The following TMEM231 variants were observed in gnomAD, a reference collection of about 807,000 sequenced individuals.
The protein encoded by TMEM231 is transmembrane protein 231.
Under a neutral mutation model 38.5 loss-of-function variants are expected in TMEM231, and 40 were observed. The observed-to-expected ratio is 1.04, with a 90% confidence interval of 0.81 to 1.35. TMEM231 has a LOEUF of 1.35. Among genes scored for constraint, TMEM231 ranks in the 40% most tolerant of loss-of-function variants. The pLI is 0.00. For missense variants in TMEM231, 420 were observed against 416.9 expected, an observed-to-expected ratio of 1.01 and a Z score of -0.07; for synonymous variants, 199 against 181.7, an observed-to-expected ratio of 1.10 and a Z score of -0.77.
intron 2 of TMEM231, among the ~76,000 whole-genome samples, chr16:75,546,333 G>T: frequency 6.6e-6 from 1 of 152,254 alleles, no homozygotes; most frequent in South Asian, 2.1e-4. Flanking sequence ...TGTCAGAATA[G>T]TCTTCTATGT....
At position 75,537,527 on chromosome 16, in the gene TMEM231, G is replaced by A. The variant is rs2080572749; in HGVS notation, c.*2467C>T. On this transcript the variant is annotated 3_prime_UTR_variant, in exon 7 of 7. Coordinates refer to ENST00000258173, the MANE Select transcript of TMEM231 (RefSeq NM_001077418.3). ...TTTTGAGACGGAGTCTAGCTCTGTT[G>A]CCAGGCTGGAGTGCAGTGGCGCAAT... The A allele has an allele frequency of 7.3e-6, 1 of 137,742 alleles. No homozygotes were observed. The highest frequency in any genetic ancestry group is 2.2e-4 in the South Asian group (1 of 4,456). 8.5% of individuals were successfully genotyped at this position (137,742 alleles called of 1,614,324 possible). A position where few individuals can be genotyped will look rare whatever the true frequency, so the allele number is the denominator to read the frequency against.
At chr16:75,547,183 C>T (rs1220733706) in intron 2 of TMEM231, among the ~76,000 whole-genome samples, 3 of 152,178 alleles carry the variant, frequency 2.0e-5, no homozygotes, top group African/African-American at 7.2e-5. Flanking sequence ...ATTCCCAGAA[C>T]AATTCTACTA....
rs1442997638 is a variant in TMEM231, at chr16:75,538,222, C to G, written c.*1772G>C. The G allele has an allele frequency of 1.3e-5, 2 of 152,200 alleles. No individual in the cohort carries two copies. The highest frequency in any genetic ancestry group is 3.9e-4 in the East Asian group (2 of 5,148). The allele number at this position is 152,200 out of a possible 1,614,324, so 9.4% of individuals were successfully genotyped here. ...TGGTGCAATCATAGCACACTGCAGCCTCAAGCTCCTGGGCTCAAGTGATCC... is the reference window on the plus strand; with the variant it reads ...TGGTGCAATCATAGCACACTGCAGCGTCAAGCTCCTGGGCTCAAGTGATCC... On this transcript the variant is annotated 3_prime_UTR_variant, in exon 7 of 7. Coordinates refer to ENST00000258173, the MANE Select transcript of TMEM231 (RefSeq NM_001077418.3).
intron 2 of TMEM231, among the ~76,000 whole-genome samples, chr16:75,552,321 G>A (rs536680580): frequency 1.3e-5 from 2 of 152,146 alleles, no homozygotes; most frequent in South Asian, 4.2e-4. Context: ...AGGCGTAGTG[G>A]CAGGAGCCTG....
chr16:75,549,286 A>G (rs1433096026), intron 2 of TMEM231, among the ~76,000 whole-genome samples: 1 of 152,240 alleles, frequency 6.6e-6, no homozygotes, highest in East Asian at 1.9e-4. Context: ...AGGCATTCAA[A>G]GGCTACTACT....
At chr16:75,545,764 A>T in intron 3 of TMEM231, 62 bp downstream of exon 3, 2 of 725,622 alleles carry the variant, frequency 2.8e-6, no homozygotes, top group South Asian at 4.0e-5. Flanking sequence ...AAATCAGAAG[A>T]AGGACTCTGG....
Position 75,545,512 on chromosome 16 carries a change from G to A in TMEM231, c.439-17C>T, listed in dbSNP as rs754634101. 2.7e-6 allele frequency: 4 copies of A among 1,508,910 alleles called. No homozygotes were observed. Among genetic ancestry groups the A allele is most frequent in the Non-Finnish European group, 3.6e-6 (4 of 1,116,868 alleles). The allele number at this position is 1,508,910 out of a possible 1,614,324, so 93.5% of individuals were successfully genotyped here. A position where few individuals can be genotyped will look rare whatever the true frequency, so the allele number is the denominator to read the frequency against. On this transcript the variant is annotated splice_polypyrimidine_tract_variant and intron_variant, in intron 3 of 6. Coordinates refer to ENST00000258173, the MANE Select transcript of TMEM231 (RefSeq NM_001077418.3). ...CGCCATCCTCTGAAATCATTAGAAG[G>A]ACCAACAATACCAACCGCCATCAGA...
rs1233361022 is a variant in TMEM231 at position 75,539,411 on chromosome 16, C to T, written c.*583G>A. ...GGGGCAGGTGGACGGTCCAAGTGTC[C>T]TTCAGCGGCCCTCCCTGATTGCCTG... On this transcript the variant is annotated 3_prime_UTR_variant, in exon 7 of 7. Transcript: ENST00000258173. 6.6e-6 allele frequency: 1 copy of T among 152,044 alleles called. No individual in the cohort carries two copies. Among genetic ancestry groups the T allele is most frequent in the African/African-American group, 2.4e-5 (1 of 41,428 alleles). The allele number at this position is 152,044 out of a possible 1,614,324, so 9.4% of individuals were successfully genotyped here. A position where few individuals can be genotyped will look rare whatever the true frequency, so the allele number is the denominator to read the frequency against.
chr16:75,540,526 C>T (rs2550911), intron 6 of TMEM231, among the ~76,000 whole-genome samples: 49,934 of 152,040 alleles, frequency 0.33, 9,407 homozygotes, highest in African/African-American at 0.52. Context: ...TGCACCTGTA[C>T]GGAACACAAT....
At position 75,539,876 on chromosome 16, in the gene TMEM231, A is replaced by C; in HGVS notation, c.*118T>G. The C allele has an allele frequency of 2.5e-6, 2 of 807,292 alleles. No individual in the cohort carries two copies. Among genetic ancestry groups the C allele is most frequent in the Non-Finnish European group, 3.8e-6 (2 of 524,288 alleles). The allele number at this position is 807,292 out of a possible 1,614,324, so 50.0% of individuals were successfully genotyped here. On this transcript the variant is annotated 3_prime_UTR_variant, in exon 7 of 7. Transcript: ENST00000258173. ...AAACCGGAAAGAACCGTTGTCTCTG[A>C]GGGAAAAGCACACAAGCCCGCAGGT...
Position 75,556,068 on chromosome 16 carries a change from C to A in TMEM231, c.139+3G>T. ...CGTGGCACAGCGGCCGGGGCAGGCT[C>A]ACCGTGGCTCCGGAAGGCCACCAGC... On this transcript the variant is annotated splice_donor_region_variant and intron_variant, in intron 1 of 6. Coordinates refer to ENST00000258173, the MANE Select transcript of TMEM231 (RefSeq NM_001077418.3). 6.4e-7 allele frequency: 1 copy of A among 1,566,062 alleles called. No individual in the cohort carries two copies. Among genetic ancestry groups the A allele is most frequent in the Admixed American group, 1.9e-5 (1 of 52,732 alleles).
chr16:75,546,945 G>C (rs371272246), intron 2 of TMEM231, among the ~76,000 whole-genome samples: 2 of 152,124 alleles, frequency 1.3e-5, no homozygotes, highest in African/African-American at 4.8e-5. Flanking sequence ...GGCATGAAAG[G>C]AAAGAAGACA....
chr16:75,556,006 G>C lies in TMEM231; in HGVS notation c.140-33C>G, dbSNP rs901311435. 2 of 1,584,300 alleles carry C rather than the reference G, an allele frequency of 1.3e-6. No individual in the cohort carries two copies. Among genetic ancestry groups the C allele is most frequent in the Non-Finnish European group, 8.6e-7 (1 of 1,165,036 alleles). Reference sequence around the variant, plus strand: ...AAAGAGGGCGGTAGGGAGGCGGTTAGGGAGGCCGGCCCTGGCCGAGCGCGC... The same window carrying C: ...AAAGAGGGCGGTAGGGAGGCGGTTACGGAGGCCGGCCCTGGCCGAGCGCGC... On this transcript the variant is annotated intron_variant, in intron 1 of 6. Coordinates refer to ENST00000258173, the MANE Select transcript of TMEM231 (RefSeq NM_001077418.3).
chr16:75,543,639 C>T (rs1035625832), intron 4 of TMEM231, among the ~76,000 whole-genome samples: 3 of 152,104 alleles, frequency 2.0e-5, no homozygotes, highest in Non-Finnish European at 4.4e-5. Flanking sequence ...ACTTCCAACT[C>T]CTTTGTCATT....
intron 2 of TMEM231, among the ~76,000 whole-genome samples, chr16:75,552,107 T>A (rs1370256117): frequency 6.6e-6 from 1 of 152,172 alleles, no homozygotes; most frequent in Non-Finnish European, 1.5e-5. Context: ...ACTTTGTCCT[T>A]TGTGCCATCA....
chr16:75,540,994 G>A (rs556526143), intron 6 of TMEM231, among the ~76,000 whole-genome samples: 1 of 152,118 alleles, frequency 6.6e-6, no homozygotes, highest in Admixed American at 6.6e-5. Flanking sequence ...TGAAAACTGA[G>A]CTACCATTGA....
intron 4 of TMEM231, 23 bp downstream of exon 4, chr16:75,545,329 T>C (rs1199529595): frequency 2.5e-6 from 4 of 1,603,250 alleles, no homozygotes; most frequent in Non-Finnish European, 3.4e-6. Context: ...ACAAAGGAGC[T>C]GGACAATGAG....
intron 2 of TMEM231, among the ~76,000 whole-genome samples, chr16:75,552,333 A>C (rs556994216): frequency 9.9e-5 from 15 of 152,184 alleles, no homozygotes; most frequent in Admixed American, 5.2e-4. Flanking sequence ...AGGAGCCTGT[A>C]ATCCAGCTCC....
intron 5 of TMEM231, 29 bp from the exon 6 acceptor site, chr16:75,541,484 C>G (rs116890747): frequency 6.7e-7 from 1 of 1,486,634 alleles, no homozygotes; most frequent in African/African-American, 1.4e-5. Context: ...CCATTAACCA[C>G]GATGGCTGTT....
Sources: allele counts gnomAD v4.1 joint callset (sites outside exome capture counted in the v4.1 genomes callset), GRCh38; gene constraint gnomAD v4.1.1; transcripts MANE v1.5; gene names NCBI Gene and HGNC (gene_info 2026-07-23, HGNC 2026-07-21).